GFRA1: variants seen among roughly 807,000 people sequenced by gnomAD.
The protein encoded by GFRA1 is GDNF family receptor alpha 1.
Under a neutral mutation model 51.6 loss-of-function variants are expected in GFRA1, and 16 were observed. That is an observed-to-expected ratio of 0.31 (90% CI 0.21 to 0.47). The LOEUF is 0.47. GFRA1 is among the 20% of genes least tolerant of loss of function. GFRA1 has a pLI of 1.00. For synonymous variants in GFRA1, 270 were observed against 241.3 expected (o/e 1.12, Z -1.10); for missense variants, 530 against 594.3 (o/e 0.89, Z 1.13).
At chr10:116,183,609 G>C in intron 5 of GFRA1, among the ~76,000 whole-genome samples, 1 of 152,168 alleles carries the variant, frequency 6.6e-6, no homozygotes, top group Non-Finnish European at 1.5e-5. Flanking sequence ...AGCACTGCTG[G>C]TTCTCCCTTT....
At chr10:116,253,210 C>T (rs1261594441) in intron 4 of GFRA1, among the ~76,000 whole-genome samples, 1 of 152,224 alleles carries the variant, frequency 6.6e-6, no homozygotes, top group East Asian at 1.9e-4. Context: ...GCCACAGAAA[C>T]TGCAGAACTG....
intron 9 of GFRA1, among the ~76,000 whole-genome samples, chr10:116,080,593 T>C (rs1162130415): frequency 6.6e-6 from 1 of 152,226 alleles, no homozygotes; most frequent in African/African-American, 2.4e-5. Context: ...TGTTGTATAA[T>C]TAAGAATTTG....
chr10:116,263,299 CT>C (rs2033358252), intron 4 of GFRA1, among the ~76,000 whole-genome samples: 1 of 152,176 alleles, frequency 6.6e-6, no homozygotes, highest in Non-Finnish European at 1.5e-5. Flanking sequence ...CTTAGTGTAG[CT>C]TTAAAAAGGA....
intron 6 of GFRA1, among the ~76,000 whole-genome samples, chr10:116,107,914 T>C (rs1012131116): frequency 2.6e-5 from 4 of 152,200 alleles, no homozygotes; most frequent in African/African-American, 9.6e-5. Context: ...ACTTTAATAA[T>C]TTGTGAAACC....
chr10:116,119,403 T>G (rs934260867), intron 6 of GFRA1, among the ~76,000 whole-genome samples: 1 of 152,188 alleles, frequency 6.6e-6, no homozygotes, highest in Non-Finnish European at 1.5e-5. Context: ...CATGTAATCA[T>G]TTGAAATGAA....
intron 5 of GFRA1, among the ~76,000 whole-genome samples, chr10:116,170,168 A>G (rs1960890847): frequency 6.6e-6 from 1 of 152,230 alleles, no homozygotes; most frequent in African/African-American, 2.4e-5. Context: ...ATGGAAGTAT[A>G]GGACAGGAAG....
intron 6 of GFRA1, among the ~76,000 whole-genome samples, chr10:116,103,140 T>C (rs893627217): frequency 1.3e-5 from 2 of 152,194 alleles, no homozygotes; most frequent in African/African-American, 4.8e-5. Flanking sequence ...CTCAGTTTCC[T>C]TACCTGGAAA....
chr10:116,251,745 A>G (rs1465094602), intron 4 of GFRA1, among the ~76,000 whole-genome samples: 4 of 152,104 alleles, frequency 2.6e-5, no homozygotes, highest in Admixed American at 6.5e-5. Context: ...AAGCAGGTGA[A>G]ATGGTGCCAG....
At chr10:116,173,062 AT>A (rs1295317645) in intron 5 of GFRA1, among the ~76,000 whole-genome samples, 14 of 152,222 alleles carry the variant, frequency 9.2e-5, no homozygotes, top group African/African-American at 3.4e-4. Context: ...TAACACACGC[AT>A]TTGTGGAATA....
At chr10:116,179,535 C>T (rs77124819) in intron 5 of GFRA1, among the ~76,000 whole-genome samples, 2,143 of 152,260 alleles carry the variant, frequency 0.014, 58 homozygotes, top group African/African-American at 0.049. Flanking sequence ...TGGGTGTTCT[C>T]GTTCCAGAAT....
At position 116,271,074 on chromosome 10, in the gene GFRA1, C is replaced by G. The variant is rs1236832547; in HGVS notation, c.82G>C (p.Asp28His). The G allele has an allele frequency of 6.2e-7, 1 of 1,611,122 alleles. No homozygotes were observed. Among genetic ancestry groups the G allele is most frequent in the Non-Finnish European group, 8.5e-7 (1 of 1,177,530 alleles). The change falls in exon 3 of 11, where the codon GAT becomes CAT. Residue 28 changes from aspartate (D) to histidine (H), a missense_variant. Coordinates refer to ENST00000355422, the MANE Select transcript of GFRA1 (RefSeq NM_005264.8). ...SAEVSGGDRL[D>H]CVKASDQCLK... ...CACTGATCACTGGCTTTCACGCAAT[C>G]CAGGCGGTCTCCGCCGCTCACTTCG...
chr10:116,104,039 G>C (rs1343432666), intron 6 of GFRA1, among the ~76,000 whole-genome samples: 1 of 152,164 alleles, frequency 6.6e-6, no homozygotes, highest in Non-Finnish European at 1.5e-5. Context: ...GTGTGGAGAC[G>C]CAAAGGGTCT....
At chr10:116,138,613 A>G (rs1006075600) in intron 5 of GFRA1, among the ~76,000 whole-genome samples, 1 of 152,042 alleles carries the variant, frequency 6.6e-6, no homozygotes, top group African/African-American at 2.4e-5. Flanking sequence ...AAGGTAGATT[A>G]AAACAAAGCA....
At chr10:116,178,909 G>A (rs1044344113) in intron 5 of GFRA1, among the ~76,000 whole-genome samples, 9 of 152,152 alleles carry the variant, frequency 5.9e-5, no homozygotes, top group Non-Finnish European at 1.0e-4. Flanking sequence ...GGTGTGCATC[G>A]AAGCACTCTG....
At chr10:116,144,856 G>A (rs1313699132) in intron 5 of GFRA1, among the ~76,000 whole-genome samples, 1 of 151,804 alleles carries the variant, frequency 6.6e-6, no homozygotes, top group Non-Finnish European at 1.5e-5. Flanking sequence ...TCACATTAAG[G>A]TTAAAATTTT....
chr10:116,229,291 C>T (rs1966536137), intron 4 of GFRA1, among the ~76,000 whole-genome samples: 1 of 152,066 alleles, frequency 6.6e-6, no homozygotes, highest in Non-Finnish European at 1.5e-5. Flanking sequence ...AGCGATTACA[C>T]AGAAAAACAG....
intron 9 of GFRA1, among the ~76,000 whole-genome samples, chr10:116,067,804 G>A (rs1007109257): frequency 1.3e-5 from 2 of 152,118 alleles, no homozygotes; most frequent in African/African-American, 4.8e-5. Context: ...TTTCAACCAG[G>A]GAGACACACA....
At chr10:116,211,710 A>G (rs1170742374) in intron 4 of GFRA1, 65 bp from the exon 5 acceptor site, 5 of 1,288,898 alleles carry the variant, frequency 3.9e-6, no homozygotes, top group Non-Finnish European at 2.2e-6. Flanking sequence ...AAATATTAAT[A>G]ATAATGTTGA....
chr10:116,118,903 A>T (rs1223347431), intron 6 of GFRA1, among the ~76,000 whole-genome samples: 1 of 152,122 alleles, frequency 6.6e-6, no homozygotes, highest in Admixed American at 6.5e-5. Flanking sequence ...AGAGAGGGAG[A>T]ACAGGGAGTA....
Sources: allele counts gnomAD v4.1 joint callset (sites outside exome capture counted in the v4.1 genomes callset), GRCh38; gene constraint gnomAD v4.1.1; transcripts MANE v1.5; gene names NCBI Gene and HGNC (gene_info 2026-07-23, HGNC 2026-07-21).